The following FAM193A variants were observed in gnomAD, a reference collection of about 807,000 sequenced individuals.
The protein encoded by FAM193A is family with sequence similarity 193 member A.
A neutral mutation model predicts 126.5 loss-of-function variants in FAM193A; 22 were observed. That is an observed-to-expected ratio of 0.17 (90% CI 0.12 to 0.25). FAM193A has a LOEUF of 0.25. FAM193A is among the 10% of genes least tolerant of loss of function. FAM193A has a pLI of 1.00. For synonymous variants in FAM193A, 761 were observed against 646.8 expected, an observed-to-expected ratio of 1.18 and a Z score of -2.68; for missense variants, 1,675 against 1,672.8, an observed-to-expected ratio of 1.00 and a Z score of -0.02.
At position 2,689,562 on chromosome 4, in the gene FAM193A, A is replaced by T. The variant is rs766526829; in HGVS notation, c.2388A>T (p.Ala796=). ...NHTNKHQVFN[A]SLQDHIYPSC... Reference sequence around the variant, plus strand: ...CAAATAAGCATCAGGTATTCAATGCATCTCTTCAAGACCATATTTATCCGA... The same window carrying T: ...CAAATAAGCATCAGGTATTCAATGCTTCTCTTCAAGACCATATTTATCCGA... The change falls in exon 14 of 21, where the codon GCA becomes GCT. Residue 796 remains alanine, a synonymous_variant. Coordinates refer to ENST00000637812, the MANE Select transcript of FAM193A (RefSeq NM_001366318.2). 6.5e-7 allele frequency: 1 copy of T among 1,546,962 alleles called. No homozygotes were observed. The highest frequency in any genetic ancestry group is 8.6e-7 in the Non-Finnish European group (1 of 1,157,770).
chr4:2,636,133 G>A (rs1359679812), intron 5 of FAM193A, among the ~76,000 whole-genome samples: 1 of 150,972 alleles, frequency 6.6e-6, no homozygotes, highest in Non-Finnish European at 1.5e-5. Context: ...TCATGATCTC[G>A]GCTCACTGCA....
chr4:2,577,178 A>T (rs78744610), intron 1 of FAM193A, among the ~76,000 whole-genome samples: 5 of 27,514 alleles, frequency 1.8e-4, no homozygotes, highest in Admixed American at 1.2e-3. Flanking sequence ...TTTGAGACGA[A>T]GCCTCGCTCT....
chr4:2,560,062 C>T (rs1422736366), intron 1 of FAM193A, among the ~76,000 whole-genome samples: 1 of 151,874 alleles, frequency 6.6e-6, no homozygotes, highest in East Asian at 1.9e-4. Context: ...TGGTTCAAGC[C>T]TGCCGAGTAG....
At chr4:2,639,933 C>T (rs979607377) in intron 6 of FAM193A, 74 bp downstream of exon 6, 6 of 1,422,424 alleles carry the variant, frequency 4.2e-6, no homozygotes, top group Non-Finnish European at 4.8e-6. Context: ...TGTGCGTGTA[C>T]CCGAGTACCA....
intron 13 of FAM193A, among the ~76,000 whole-genome samples, chr4:2,678,609 C>T (rs570260694): frequency 2.4e-3 from 356 of 151,196 alleles, no homozygotes; most frequent in African/African-American, 8.3e-3. Context: ...GTGATCCGCC[C>T]GCCTCGGCTT....
chr4:2,713,573 C>T (rs1302521206), intron 19 of FAM193A, among the ~76,000 whole-genome samples: 3 of 152,288 alleles, frequency 2.0e-5, no homozygotes, highest in African/African-American at 7.2e-5. Context: ...CTCATTGCCT[C>T]CACAGCAGGC....
intron 20 of FAM193A, among the ~76,000 whole-genome samples, chr4:2,718,573 AAAAG>A (rs1719790815): frequency 6.6e-6 from 1 of 152,114 alleles, no homozygotes; most frequent in Non-Finnish European, 1.5e-5. Flanking sequence ...AAAATACAAA[AAAAG>A]TAAGCCAGAT....
rs143068185 is a variant in FAM193A at position 2,632,103 on chromosome 4, A to T, written c.1038+934A>T. Among the ~76,000 whole-genome samples, 13 of 152,220 alleles carry T rather than the reference A, an allele frequency of 8.5e-5. No individual in the cohort carries two copies. In the East Asian group the frequency reaches 2.3e-3, roughly 27 times the overall value. On this transcript the variant is annotated intron_variant, in intron 5 of 20. Coordinates refer to ENST00000637812, the MANE Select transcript of FAM193A (RefSeq NM_001366318.2). ...GGTGAGAGCTTTCTTGCAGGTGGGG[A>T]CTTGGACTCTGAACAGAGTCCAAAG... is the stretch of plus-strand genomic sequence containing the variant.
intron 20 of FAM193A, among the ~76,000 whole-genome samples, chr4:2,729,846 A>C (rs1431052186): frequency 6.6e-6 from 1 of 152,138 alleles, no homozygotes; most frequent in Non-Finnish European, 1.5e-5. Context: ...TTGTAAGCTC[A>C]AGTGATCCAC....
rs1716122867 is a variant in FAM193A, at chr4:2,689,524, G to T, written c.2350G>T (p.Val784Phe). The T allele has an allele frequency of 1.9e-6, 3 of 1,551,040 alleles. No homozygotes were observed. The highest frequency in any genetic ancestry group is 2.6e-6 in the Non-Finnish European group (3 of 1,160,712). The change falls in exon 14 of 21, where the codon GTT (valine) becomes TTT (phenylalanine). Residue 784 changes from valine to phenylalanine, a missense_variant. Coordinates refer to ENST00000637812, the MANE Select transcript of FAM193A (RefSeq NM_001366318.2). ...TTTGTAGGCTTTACCGCCAGCACCTGTTCAGAATCACACAAATAAGCATCA... is the reference window on the plus strand; with the variant it reads ...TTTGTAGGCTTTACCGCCAGCACCTTTTCAGAATCACACAAATAAGCATCA... ...THSKALPPAP[V>F]QNHTNKHQVF...
At chr4:2,558,626 C>T (rs1457450362) in intron 1 of FAM193A, among the ~76,000 whole-genome samples, 1 of 152,182 alleles carries the variant, frequency 6.6e-6, no homozygotes, top group Non-Finnish European at 1.5e-5. Context: ...AGCAATCCTC[C>T]TGCCTTAGCC....
intron 13 of FAM193A, among the ~76,000 whole-genome samples, chr4:2,688,676 ACT>A (rs1298584796): frequency 6.6e-6 from 1 of 152,174 alleles, no homozygotes; most frequent in African/African-American, 2.4e-5. Context: ...AACAAAGATC[ACT>A]CTGGCTGTAG....
intron 1 of FAM193A, among the ~76,000 whole-genome samples, chr4:2,546,355 A>G (rs1737552467): frequency 6.6e-6 from 1 of 152,120 alleles, no homozygotes; most frequent in South Asian, 2.1e-4. Flanking sequence ...TCATATATCT[A>G]CTACCACAAT....
At position 2,639,875 on chromosome 4, in the gene FAM193A, C is replaced by T. The variant is rs764679084; in HGVS notation, c.1163+16C>T. 18 of 1,610,740 alleles carry T rather than the reference C, an allele frequency of 1.1e-5. No individual in the cohort carries two copies. The highest frequency in any genetic ancestry group is 1.5e-5 in the Non-Finnish European group (18 of 1,177,926). ...CACAGATCAGGTATTTTGCCTTAAC[C>T]CGTATGTGTCTTTGTGGTGTGACAG... On this transcript the variant is annotated intron_variant, in intron 6 of 20. Coordinates refer to ENST00000637812, the MANE Select transcript of FAM193A (RefSeq NM_001366318.2).
chr4:2,693,425 C>T (rs1670856860), intron 15 of FAM193A, among the ~76,000 whole-genome samples, 161 bp from the exon 16 acceptor site: 1 of 152,286 alleles, frequency 6.6e-6, no homozygotes, highest in Non-Finnish European at 1.5e-5. Flanking sequence ...GTGTGTGTGC[C>T]TGTAAGAAAT....
At chr4:2,570,129 A>C (rs766004715) in intron 1 of FAM193A, among the ~76,000 whole-genome samples, 23 of 147,134 alleles carry the variant, frequency 1.6e-4, no homozygotes, top group African/African-American at 6.0e-4. Context: ...CTGAACTGCT[A>C]AATAGCCCAA....
chr4:2,620,954 G>A (rs2108965372), intron 2 of FAM193A, among the ~76,000 whole-genome samples: 1 of 152,140 alleles, frequency 6.6e-6, no homozygotes, highest in Admixed American at 6.5e-5. Flanking sequence ...CCACTAACGG[G>A]AGCTTAGGGA....
At chr4:2,566,149 G>A (rs1421508170) in intron 1 of FAM193A, among the ~76,000 whole-genome samples, 4 of 151,716 alleles carry the variant, frequency 2.6e-5, no homozygotes, top group African/African-American at 7.3e-5. Context: ...CTGGGTTCAC[G>A]CCATTCTGCT....
chr4:2,587,227 C>A (rs780679412), intron 1 of FAM193A, among the ~76,000 whole-genome samples: 8 of 152,048 alleles, frequency 5.3e-5, no homozygotes, highest in Non-Finnish European at 1.2e-4. Flanking sequence ...CCCAGTGTGT[C>A]CAGATGACAT....
Sources: allele counts gnomAD v4.1 joint callset (sites outside exome capture counted in the v4.1 genomes callset), GRCh38; gene constraint gnomAD v4.1.1; transcripts MANE v1.5; gene names NCBI Gene and HGNC (gene_info 2026-07-23, HGNC 2026-07-21).